Variants in PFKFB3 observed in about 807,000 individuals in gnomAD.
The protein encoded by PFKFB3 is 6-phosphofructo-2-kinase/fructose-2,6-bisphosphatase 3.
Under a neutral mutation model 68.0 loss-of-function variants are expected in PFKFB3, and 33 were observed. The ratio of observed to expected loss-of-function variants is 0.49; its 90% CI spans 0.37 to 0.65. The LOEUF (loss-of-function observed/expected upper bound fraction) is 0.65. Ranked by LOEUF, PFKFB3 falls within the 30% of genes least tolerant of loss-of-function variation. The pLI is 0.00. For missense variants in PFKFB3, 586 were observed against 712.2 expected (o/e 0.82, Z 2.02); for synonymous variants, 315 against 288.2 (o/e 1.09, Z -0.94).
chr10:6,276,913 C>A, the PFKFB3 span, among the ~76,000 whole-genome samples: 139 of 151,752 alleles, frequency 9.2e-4, no homozygotes, highest in Non-Finnish European at 2.9e-5. Flanking sequence ...ATAACCATCA[C>A]CCAAATCAAG....
chr10:6,322,520 C>T, the PFKFB3 span, among the ~76,000 whole-genome samples: 1 of 152,212 alleles, frequency 6.6e-6, no homozygotes, highest in East Asian at 1.9e-4. Flanking sequence ...CACTTCCTTG[C>T]TTAAAACTTG....
the PFKFB3 span, among the ~76,000 whole-genome samples, chr10:6,316,545 C>T: frequency 6.6e-5 from 10 of 152,112 alleles, no homozygotes; most frequent in Admixed American, 5.2e-4. Flanking sequence ...GTGGTGTGAT[C>T]TTGGCTCACT....
chr10:6,185,639 CTTTTTTTTT>C (rs59230234), intron 1 of PFKFB3, among the ~76,000 whole-genome samples: 2 of 120,544 alleles, frequency 1.7e-5, no homozygotes, highest in Non-Finnish European at 3.3e-5. Flanking sequence ...CTCCCCGCTC[CTTTTTTTTT>C]TTTTTTTTTG....
the PFKFB3 span, among the ~76,000 whole-genome samples, chr10:6,266,031 C>T: frequency 1.3e-5 from 2 of 152,116 alleles, no homozygotes; most frequent in Non-Finnish European, 2.9e-5. Flanking sequence ...CTGCCTTAGC[C>T]TCCTGAGTAG....
At chr10:6,216,273 T>G in intron 4 of PFKFB3, 82 bp downstream of exon 4, 1 of 1,302,962 alleles carries the variant, frequency 7.7e-7, no homozygotes, top group South Asian at 1.2e-5. Flanking sequence ...TACCGAGACC[T>G]GTGCCTCTGG....
At chr10:6,248,928 C>G (rs1285410725) in intron 14 of PFKFB3, among the ~76,000 whole-genome samples, 1 of 152,100 alleles carries the variant, frequency 6.6e-6, no homozygotes, top group Admixed American at 6.5e-5. Context: ...AATCCCAGCA[C>G]TTTGGGAGGC....
At chr10:6,218,904 A>G (rs1481483661) in intron 6 of PFKFB3, among the ~76,000 whole-genome samples, 1 of 152,206 alleles carries the variant, frequency 6.6e-6, no homozygotes, top group Non-Finnish European at 1.5e-5. Context: ...CCTCTCAGTG[A>G]CGGCAGTGGT....
At chr10:6,203,451 G>T (rs1588465569) in intron 1 of PFKFB3, 115 bp downstream of exon 1, 1 of 533,362 alleles carries the variant, frequency 1.9e-6, no homozygotes, top group South Asian at 8.3e-5. Flanking sequence ...TGCGGGTCGC[G>T]CCGGCGGGGC....
chr10:6,316,882 AT>A, the PFKFB3 span, among the ~76,000 whole-genome samples: 1 of 152,172 alleles, frequency 6.6e-6, no homozygotes, highest in South Asian at 2.1e-4. Context: ...CCAGGTCTGC[AT>A]CATGGTGTGA....
Position 6,220,711 on chromosome 10 carries a change from G to T in PFKFB3, c.677G>T (p.Arg226Leu). Residue 226 changes from arginine (R) to leucine (L), a missense_variant, in exon 8 of 15, where the codon CGG (arginine) becomes CTG (leucine). Coordinates refer to ENST00000379775, the MANE Select transcript of PFKFB3 (RefSeq NM_004566.4). The surrounding 1 kb of genome is among the most constrained non-coding windows in gnomAD (Gnocchi z 4.1). ...GTGGGCCGGAGGTTCCTGGTGAACC[G>T]GGTGCAGGACCACATCCAGAGCCGC... is the stretch of plus-strand genomic sequence containing the variant. ...IDVGRRFLVN[R>L]VQDHIQSRIV... is the part of the protein sequence containing the mutation. 1 of 1,614,102 alleles carries T rather than the reference G, an allele frequency of 6.2e-7. No individual in the cohort carries two copies. Among genetic ancestry groups the T allele is most frequent in the South Asian group, 1.1e-5 (1 of 91,076 alleles).
downstream of PFKFB3, among the ~76,000 whole-genome samples, chr10:6,256,849 G>T (rs148395964): frequency 6.6e-6 from 1 of 152,108 alleles, no homozygotes; most frequent in Admixed American, 6.5e-5. Context: ...GGAACCGTGC[G>T]AAGGGAGACT....
intron 1 of PFKFB3, among the ~76,000 whole-genome samples, chr10:6,169,719 ACT>A (rs2131739736): frequency 6.6e-6 from 1 of 152,236 alleles, no homozygotes; most frequent in South Asian, 2.1e-4. Flanking sequence ...AGAATTTGGA[ACT>A]CTCTAAATGT....
the PFKFB3 span, among the ~76,000 whole-genome samples, chr10:6,268,548 G>A: frequency 3.3e-5 from 5 of 151,762 alleles, no homozygotes; most frequent in Non-Finnish European, 5.9e-5. Context: ...TCACTCGAAC[G>A]CAGGAGGTGG....
chr10:6,210,350 T>G (rs1293463647), intron 1 of PFKFB3, among the ~76,000 whole-genome samples: 2 of 12,906 alleles, frequency 1.5e-4, no homozygotes, highest in African/African-American at 1.8e-4. Context: ...TTTTTTGTTT[T>G]TTTTTGTTTT....
At chr10:6,216,046 G>A (rs1312236591) in intron 3 of PFKFB3, 79 bp from the exon 4 acceptor site, 13 of 1,222,460 alleles carry the variant, frequency 1.1e-5, no homozygotes, top group East Asian at 2.3e-5. Context: ...TCTGCTTGTC[G>A]GGGCGTGTCG....
At chr10:6,176,559 A>G (rs1842481012) in intron 1 of PFKFB3, among the ~76,000 whole-genome samples, 1 of 152,122 alleles carries the variant, frequency 6.6e-6, no homozygotes, top group South Asian at 2.1e-4. Flanking sequence ...GGTGTGCGCC[A>G]TCATGCCTGG....
intron 1 of PFKFB3, among the ~76,000 whole-genome samples, chr10:6,211,320 T>C (rs888798198): frequency 2.0e-5 from 3 of 152,230 alleles, no homozygotes; most frequent in Non-Finnish European, 4.4e-5. Context: ...AGCCTCTGCT[T>C]CCTTGGCGTG....
At chr10:6,203,746 A>G (rs1049629840) in intron 1 of PFKFB3, among the ~76,000 whole-genome samples, 2 of 151,950 alleles carry the variant, frequency 1.3e-5, no homozygotes, top group Admixed American at 6.6e-5. Context: ...CTCTCTCTGC[A>G]TGTTTCCATC....
At chr10:6,323,720 C>T in the PFKFB3 span, among the ~76,000 whole-genome samples, 2 of 152,286 alleles carry the variant, frequency 1.3e-5, no homozygotes, top group Middle Eastern at 6.8e-3. Context: ...TCACTTCACA[C>T]CGAAGCCAAT....
Sources: gnomAD v4.1 joint callset for allele counts (sites outside exome capture counted in the v4.1 genomes callset) on GRCh38, gnomAD v4.1.1 for gene constraint, Gnocchi (gnomAD v3.1) non-coding constraint, MANE v1.5 for transcripts, NCBI Gene and HGNC (gene_info 2026-07-23, HGNC 2026-07-21) for gene names.